Variants in FST observed in about 807,000 individuals in gnomAD.
FST encodes activin-binding protein.
FST carries 6 observed loss-of-function variants against 38.4 expected under a neutral mutation model. The observed-to-expected ratio is 0.16, with a 90% CI of 0.09 to 0.31. The LOEUF (loss-of-function observed/expected upper bound fraction) is 0.31, where lower values mean the gene tolerates loss of function less well. FST is among the 10% of genes least tolerant of loss of function. The probability of loss-of-function intolerance (pLI) is 1.00; values close to 1 mark genes in which losing one functional copy is unlikely to be tolerated. For synonymous variants in FST, 157 were observed against 169.8 expected (o/e 0.92, Z 0.59); for missense variants, 301 against 432.3 (o/e 0.70, Z 2.69).
At chr5:53,481,915 A>AG (rs1747236794) in intron 1 of FST, among the ~76,000 whole-genome samples, 1 of 152,166 alleles carries the variant, frequency 6.6e-6, no homozygotes, top group African/African-American at 2.4e-5. Flanking sequence ...TTCAGCGTTA[A>AG]CATTTTAAGT....
At position 53,487,042 on chromosome 5, in the gene FST, T is replaced by G. The variant is rs1420367845; in HGVS notation, c.*1009T>G. The G allele has an allele frequency of 6.6e-6, 1 of 152,228 alleles. No individual in the cohort carries two copies. Among genetic ancestry groups the G allele is most frequent in the Non-Finnish European group, 1.5e-5 (1 of 68,044 alleles). 9.4% of individuals were successfully genotyped at this position (152,228 alleles called of 1,614,324 possible). On this transcript the variant is annotated 3_prime_UTR_variant, in exon 6 of 6. Coordinates refer to ENST00000256759, the MANE Select transcript of FST (RefSeq NM_013409.3). ...ATTTAAATATATAGTTTTGTACTTTTCTACCATGTAAATGTGCAATGTATA... is the reference window on the plus strand; with the variant it reads ...ATTTAAATATATAGTTTTGTACTTTGCTACCATGTAAATGTGCAATGTATA...
chr5:53,481,895 C>G (rs1017983603), intron 1 of FST, among the ~76,000 whole-genome samples: 2 of 152,244 alleles, frequency 1.3e-5, no homozygotes, highest in African/African-American at 4.8e-5. Flanking sequence ...TAAGGCATTA[C>G]TTTCCCTGCT....
chr5:53,482,969 G>C lies in FST; in HGVS notation c.175G>C (p.Gly59Arg). 1 of 1,612,920 alleles carries C rather than the reference G, an allele frequency of 6.2e-7. No homozygotes were observed. Among genetic ancestry groups the C allele is most frequent in the South Asian group, 1.1e-5 (1 of 91,060 alleles). ...GAGCAAGGAGGAGTGCTGCAGCACC[G>C]GCCGGCTGAGCACCTCGTGGACCGA... ...ELSKEECCST[G>R]RLSTSWTEED... The change falls in exon 2 of 6, where the codon GGC becomes CGC. Residue 59 changes from glycine (G) to arginine (R), a missense_variant. Coordinates refer to ENST00000256759, the MANE Select transcript of FST (RefSeq NM_013409.3).
In FST at chr5:53,483,175, T is replaced by C. The variant is rs1235919886; in HGVS notation, c.277+104T>C. The C allele has an allele frequency of 2.6e-6, 2 of 779,894 alleles. No homozygotes were observed. Among genetic ancestry groups the C allele is most frequent in the Admixed American group, 2.3e-5 (1 of 43,982 alleles). 48.3% of individuals were successfully genotyped at this position (779,894 alleles called of 1,614,324 possible). Reference sequence around the variant, plus strand: ...TTTGGGAGTAGGAGAGCTTTGTTCCTGGGCTTCCCCTTCCTGTCCCTTGCC... The same window carrying C: ...TTTGGGAGTAGGAGAGCTTTGTTCCCGGGCTTCCCCTTCCTGTCCCTTGCC... On this transcript the variant is annotated intron_variant, in intron 2 of 5. Transcript: ENST00000256759. This position sits in a 1 kb window ranked among gnomAD's most constrained non-coding sequence, Gnocchi z 4.1.
chr5:53,480,726 C>G lies in FST; in HGVS notation c.-66C>G, dbSNP rs994863763. On this transcript the variant is annotated 5_prime_UTR_variant, in exon 1 of 6. Coordinates refer to ENST00000256759, the MANE Select transcript of FST (RefSeq NM_013409.3). ...GCCTCTGCGACGCGCGCCGCTCGCCCGAGCCACCCGCCGCCGCGCCGGCTC... is the reference window on the plus strand; with the variant it reads ...GCCTCTGCGACGCGCGCCGCTCGCCGGAGCCACCCGCCGCCGCGCCGGCTC... The G allele has an allele frequency of 8.5e-6, 4 of 470,486 alleles. No individual in the cohort carries two copies. The highest frequency in any genetic ancestry group is 8.7e-6 in the Non-Finnish European group (3 of 343,312). The allele number at this position is 470,486 out of a possible 1,614,324, so 29.1% of individuals were successfully genotyped here.
At position 53,485,471 on chromosome 5, in the gene FST, C is replaced by T. The variant is rs554716933; in HGVS notation, c.952+244C>T. 2.6e-5 allele frequency among the ~76,000 whole-genome samples: 4 copies of T among 152,052 alleles called. No individual in the cohort carries two copies. In the South Asian group the frequency reaches 8.3e-4, roughly 32 times the overall value. On this transcript the variant is annotated intron_variant, in intron 5 of 5. Coordinates refer to ENST00000256759, the MANE Select transcript of FST (RefSeq NM_013409.3). ...GAAATCTATTTCCAGTTGTTTTCCCCTATTTCTTGTGTTTTGGTAGTGTGC... is the reference window on the plus strand; with the variant it reads ...GAAATCTATTTCCAGTTGTTTTCCCTTATTTCTTGTGTTTTGGTAGTGTGC...
chr5:53,485,655 A>G (rs751579036), intron 5 of FST: 7 of 1,397,604 alleles, frequency 5.0e-6, no homozygotes, highest in Non-Finnish European at 2.0e-6. Flanking sequence ...AGTTATACCT[A>G]GAACACAAGA....
At position 53,483,001 on chromosome 5, in the gene FST, C is replaced by T. The variant is rs1747333957; in HGVS notation, c.207C>T (p.Asp69=). 5.0e-6 allele frequency: 8 copies of T among 1,613,834 alleles called. No homozygotes were observed. Among genetic ancestry groups the T allele is most frequent in the Non-Finnish European group, 6.8e-6 (8 of 1,179,706 alleles). The part of the protein sequence containing the change: ...GRLSTSWTEE[D]VNDNTLFKWM... ...TGAGCACCTCGTGGACCGAGGAGGA[C>T]GTGAATGACAACACACTCTTCAAGT... is the stretch of plus-strand genomic sequence containing the variant. The change falls in exon 2 of 6, where the codon GAC becomes GAT. Residue 69 remains aspartate, a synonymous_variant. Transcript: ENST00000256759. The surrounding 1 kb of genome is among the most constrained non-coding windows in gnomAD (Gnocchi z 4.1).
In FST at chr5:53,482,794, G is replaced by C. The variant is rs543630688; in HGVS notation, c.86-86G>C. On this transcript the variant is annotated intron_variant, in intron 1 of 5. Transcript: ENST00000256759. ...CTCACCCCCTCCCCATCCCCGCCGG[G>C]TCTCCTTCGCTAGCCACCTCGCTCT... 73 of 725,682 alleles carry C rather than the reference G, an allele frequency of 1.0e-4. No homozygotes were observed. The Middle Eastern group carries it at 1.6e-3, about 16-fold the overall frequency. The allele number at this position is 725,682 out of a possible 1,614,324, so 45.0% of individuals were successfully genotyped here.
chr5:53,480,899 G>T, intron 1 of FST, 23 bp downstream of exon 1: 1 of 1,394,930 alleles, frequency 7.2e-7, no homozygotes, highest in Non-Finnish European at 9.8e-7. Context: ...GGATGCGCTG[G>T]GGAGGCTTGG....
chr5:53,481,318 G>A (rs2112328399), intron 1 of FST, among the ~76,000 whole-genome samples: 1 of 151,464 alleles, frequency 6.6e-6, no homozygotes, highest in South Asian at 2.1e-4. Context: ...GGGTTTGGGG[G>A]AGAGATACTG....
Position 53,486,086 on chromosome 5 carries a change from A to AG in FST, c.*53_*54insG, listed in dbSNP as rs1747536844. On this transcript the variant is annotated 3_prime_UTR_variant, in exon 6 of 6. Coordinates refer to ENST00000256759, the MANE Select transcript of FST (RefSeq NM_013409.3). ...TAGCCTTTGTGCAAAAAAAAAAAAA[A>AG]AAAAAAAGAAAAAGAAAAAAAGAAA... is the stretch of plus-strand genomic sequence containing the variant. 4.3e-6 allele frequency: 4 copies of AG among 939,490 alleles called. No individual in the cohort carries two copies. The highest frequency in any genetic ancestry group is 6.5e-6 in the Non-Finnish European group (4 of 619,936). 58.2% of individuals were successfully genotyped at this position (939,490 alleles called of 1,614,324 possible).
In FST at chr5:53,486,244, G is replaced by A; in HGVS notation, c.*211G>A. 1 of 416,560 alleles carries A rather than the reference G, an allele frequency of 2.4e-6. No individual in the cohort carries two copies. Among genetic ancestry groups the A allele is most frequent in the South Asian group, 6.3e-5 (1 of 15,778 alleles). 25.8% of individuals were successfully genotyped at this position (416,560 alleles called of 1,614,324 possible). A position where few individuals can be genotyped will look rare whatever the true frequency, so the allele number is the denominator to read the frequency against. On this transcript the variant is annotated 3_prime_UTR_variant, in exon 6 of 6. Coordinates refer to ENST00000256759, the MANE Select transcript of FST (RefSeq NM_013409.3). ...CATTGGACACGGAGAGGCATTCATT[G>A]TGAGGTCTACTGGATGAGGCCCATA...
In FST at chr5:53,483,754, C is replaced by A; in HGVS notation, c.496+32C>A. Reference sequence around the variant, plus strand: ...CCTACCCTGTTGAGCAAGACTGGATCTGTCCCCTCCTCCAGCTTTGTACCT... The same window carrying A: ...CCTACCCTGTTGAGCAAGACTGGATATGTCCCCTCCTCCAGCTTTGTACCT... On this transcript the variant is annotated intron_variant, in intron 3 of 5. Transcript: ENST00000256759. This position sits in a 1 kb window ranked among gnomAD's most constrained non-coding sequence, Gnocchi z 4.1. 1 of 1,489,488 alleles carries A rather than the reference C, an allele frequency of 6.7e-7. No homozygotes were observed. The highest frequency in any genetic ancestry group is 9.4e-7 in the Non-Finnish European group (1 of 1,068,434). The allele number at this position is 1,489,488 out of a possible 1,614,324, so 92.3% of individuals were successfully genotyped here.
chr5:53,485,545 AGTTT>A (rs904055732), intron 5 of FST: 1 of 651,128 alleles, frequency 1.5e-6, no homozygotes, highest in African/African-American at 3.1e-5. Context: ...CTGCTTCAAA[AGTTT>A]TTTTTTTTTT....
chr5:53,482,854 AC>A, intron 1 of FST, 25 bp from the exon 2 acceptor site: 2 of 1,443,616 alleles, frequency 1.4e-6, no homozygotes, highest in South Asian at 2.7e-5. Context: ...TCACTCACCC[AC>A]CTCCCCACCC....
At chr5:53,485,552 T>G (rs1747497151) in intron 5 of FST, 4 of 727,970 alleles carry the variant, frequency 5.5e-6, no homozygotes, top group Non-Finnish European at 9.8e-6. Flanking sequence ...AAAAGTTTTT[T>G]TTTTTTTTTT....
intron 1 of FST, chr5:53,482,608 G>A: frequency 2.1e-6 from 1 of 466,594 alleles, no homozygotes; most frequent in Non-Finnish European, 3.8e-6. Flanking sequence ...GATATGGCTG[G>A]GGCGCCCTGT....
chr5:53,484,535 C>T (rs1747433264), intron 4 of FST, among the ~76,000 whole-genome samples: 1 of 152,212 alleles, frequency 6.6e-6, no homozygotes, highest in South Asian at 2.1e-4. Context: ...TCTTAGAAAA[C>T]TTAGAACTTA....
Sources: allele counts gnomAD v4.1 joint callset (sites outside exome capture counted in the v4.1 genomes callset), GRCh38; gene constraint gnomAD v4.1.1; non-coding constraint Gnocchi (gnomAD v3.1); transcripts MANE v1.5; gene names NCBI Gene and HGNC (gene_info 2026-07-23, HGNC 2026-07-21).